Variants in AK4 observed in about 807,000 individuals in gnomAD.
AK4 encodes the protein adenylate kinase 4, also known as adenylate kinase 4, mitochondrial.
A neutral mutation model predicts 24.6 loss-of-function variants in AK4; 13 were observed. The observed-to-expected ratio is 0.53, with a 90% CI of 0.34 to 0.84. The LOEUF is 0.84. Among genes scored for constraint, AK4 ranks in the 40% least tolerant of loss-of-function variants. The probability of loss-of-function intolerance (pLI) is 0.01; values close to 1 mark genes in which losing one functional copy is unlikely to be tolerated. For synonymous variants in AK4, 88 were observed against 107.0 expected (o/e 0.82, Z 1.10); for missense variants, 192 against 288.2 (o/e 0.67, Z 2.42).
intron 2 of AK4, among the ~76,000 whole-genome samples, chr1:65,199,468 G>A (rs999261270): frequency 6.6e-6 from 1 of 151,876 alleles, no homozygotes; most frequent in African/African-American, 2.4e-5. Context: ...AGAATCGCTT[G>A]AACCTGGGAG....
chr1:65,212,891 G>A (rs1307222443), intron 2 of AK4, among the ~76,000 whole-genome samples: 1 of 152,206 alleles, frequency 6.6e-6, no homozygotes, highest in East Asian at 1.9e-4. Flanking sequence ...GGGTTAATGA[G>A]AAGAGTAAGA....
intron 2 of AK4, among the ~76,000 whole-genome samples, chr1:65,195,976 T>G (rs1651456325): frequency 6.6e-6 from 1 of 152,192 alleles, no homozygotes; most frequent in Admixed American, 6.5e-5. Context: ...ATAGGCCTGT[T>G]TTAGTGAAGT....
At chr1:65,185,501 C>T (rs1651067704) in intron 1 of AK4, among the ~76,000 whole-genome samples, 1 of 152,210 alleles carries the variant, frequency 6.6e-6, no homozygotes, top group South Asian at 2.1e-4. Context: ...GGCCCCACAT[C>T]TCTGCAACAT....
At chr1:65,221,740 A>T (rs1652299780) in intron 3 of AK4, among the ~76,000 whole-genome samples, 1 of 152,214 alleles carries the variant, frequency 6.6e-6, no homozygotes, top group Admixed American at 6.5e-5. Context: ...TGACGCAGAG[A>T]TTCTCATAAA....
chr1:65,202,832 A>C (rs960059258), intron 2 of AK4, among the ~76,000 whole-genome samples: 2 of 150,218 alleles, frequency 1.3e-5, no homozygotes, highest in East Asian at 3.9e-4. Context: ...TCAGACCTGA[A>C]TATCAGTCTG....
At chr1:65,192,313 GC>G (rs2101043453) in intron 2 of AK4, among the ~76,000 whole-genome samples, 1 of 152,308 alleles carries the variant, frequency 6.6e-6, no homozygotes, top group Non-Finnish European at 1.5e-5. Context: ...GGGAATGGGA[GC>G]CGAACTTATC....
At chr1:65,222,983 A>C (rs1331877889) in intron 3 of AK4, among the ~76,000 whole-genome samples, 1 of 152,044 alleles carries the variant, frequency 6.6e-6, no homozygotes, top group Non-Finnish European at 1.5e-5. Context: ...AAACAAATTG[A>C]AAATCAAGGT....
chr1:65,213,884 A>T (rs545747070), intron 2 of AK4, among the ~76,000 whole-genome samples: 33 of 152,270 alleles, frequency 2.2e-4, no homozygotes, highest in Admixed American at 1.4e-3. Flanking sequence ...ATCCAATCTG[A>T]CTGGCGTCCT....
intron 1 of AK4, among the ~76,000 whole-genome samples, chr1:65,180,264 A>T (rs1184084227): frequency 6.6e-6 from 1 of 152,140 alleles, no homozygotes; most frequent in Admixed American, 6.6e-5. Context: ...CCTGGGCAAC[A>T]TGGTAAAACC....
At chr1:65,172,294 T>A (rs1224177696) in intron 1 of AK4, among the ~76,000 whole-genome samples, 1 of 151,492 alleles carries the variant, frequency 6.6e-6, no homozygotes, top group Non-Finnish European at 1.5e-5. Context: ...TCTGGTTTAG[T>A]GTTAAATAAA....
Position 65,205,571 on chromosome 1 carries a change from C to T in AK4, c.266-13183C>T, listed in dbSNP as rs144357815. On this transcript the variant is annotated intron_variant, in intron 2 of 4. Coordinates refer to ENST00000327299, the MANE Select transcript of AK4 (RefSeq NM_013410.4). ...GTTTCAAGGTGATTTTTTTTCACCCCGTATAGACTTTCTAAAGAGTTATTT... is the reference window on the plus strand; with the variant it reads ...GTTTCAAGGTGATTTTTTTTCACCCTGTATAGACTTTCTAAAGAGTTATTT... Among the ~76,000 whole-genome samples, 554 of 152,134 alleles carry T rather than the reference C, an allele frequency of 3.6e-3. 3 individuals are homozygous for T. The highest frequency in any genetic ancestry group is 0.014 in the Middle Eastern group (4 of 294).
chr1:65,163,554 T>C (rs1241312286), intron 1 of AK4, among the ~76,000 whole-genome samples: 1 of 152,220 alleles, frequency 6.6e-6, no homozygotes, highest in East Asian at 1.9e-4. Context: ...TCAGCTATTG[T>C]TATAGTCACA....
intron 2 of AK4, among the ~76,000 whole-genome samples, chr1:65,199,689 A>G (rs1425863728): frequency 1.3e-5 from 2 of 152,252 alleles, no homozygotes; most frequent in African/African-American, 4.8e-5. Flanking sequence ...GTAAAACCCA[A>G]GACCTATGTT....
chr1:65,210,833 A>G (rs1172694668), intron 2 of AK4, among the ~76,000 whole-genome samples: 4 of 152,178 alleles, frequency 2.6e-5, no homozygotes, highest in Non-Finnish European at 5.9e-5. Context: ...ACATATAGTA[A>G]TTTGCTTATT....
In AK4 at chr1:65,229,091, T is replaced by A. The variant is rs1278754139; in HGVS notation, c.*2914T>A. The A allele has an allele frequency of 2.0e-5, 3 of 152,214 alleles. No individual in the cohort carries two copies. Among genetic ancestry groups the A allele is most frequent in the African/African-American group, 7.2e-5 (3 of 41,462 alleles). 9.4% of individuals were successfully genotyped at this position (152,214 alleles called of 1,614,324 possible). A position where few individuals can be genotyped will look rare whatever the true frequency, so the allele number is the denominator to read the frequency against. On this transcript the variant is annotated 3_prime_UTR_variant, in exon 5 of 5. Coordinates refer to ENST00000327299, the MANE Select transcript of AK4 (RefSeq NM_013410.4). ...AGGGGTCCCAGGGATGTGAAGCATC[T>A]TGCCCAGGCTTCTGCTGCTGGTGAC...
chr1:65,203,233 A>G (rs1164182399), intron 2 of AK4, among the ~76,000 whole-genome samples: 2 of 152,154 alleles, frequency 1.3e-5, no homozygotes, highest in Non-Finnish European at 2.9e-5. Flanking sequence ...CCATGAAATT[A>G]GCACGTTCAT....
In AK4 at chr1:65,229,570, G is replaced by A. The variant is rs866364802; in HGVS notation, c.*3393G>A. ...AAATAGCAGAGCTCACCAAAGTGAT[G>A]TTCACCTTTTTATGACATTCCTTTT... On this transcript the variant is annotated 3_prime_UTR_variant, in exon 5 of 5. Transcript: ENST00000327299. 6.6e-6 allele frequency: 1 copy of A among 151,746 alleles called. No individual in the cohort carries two copies. The highest frequency in any genetic ancestry group is 2.4e-5 in the African/African-American group (1 of 41,320). 9.4% of individuals were successfully genotyped at this position (151,746 alleles called of 1,614,324 possible). A position where few individuals can be genotyped will look rare whatever the true frequency, so the allele number is the denominator to read the frequency against.
chr1:65,215,626 C>A (rs1195315306), intron 2 of AK4, among the ~76,000 whole-genome samples: 2 of 152,180 alleles, frequency 1.3e-5, no homozygotes, highest in African/African-American at 4.8e-5. Flanking sequence ...AATTAATTAT[C>A]ATCTGTGGTC....
chr1:65,176,461 G>A (rs1650718815), intron 1 of AK4, among the ~76,000 whole-genome samples: 1 of 152,168 alleles, frequency 6.6e-6, no homozygotes, highest in South Asian at 2.1e-4. Flanking sequence ...TCAGGCCTGA[G>A]TTCCCATCCC....
Sources: allele counts gnomAD v4.1 joint callset (sites outside exome capture counted in the v4.1 genomes callset), GRCh38; gene constraint gnomAD v4.1.1; transcripts MANE v1.5; gene names NCBI Gene and HGNC (gene_info 2026-07-23, HGNC 2026-07-21).